Variants in ZNF585A observed in about 807,000 individuals in gnomAD.
The protein encoded by ZNF585A is zinc finger protein 585A.
ZNF585A carries 9 observed loss-of-function variants against 14.9 expected under a neutral mutation model. The observed-to-expected ratio is 0.60, with a 90% CI of 0.36 to 1.05. The LOEUF (loss-of-function observed/expected upper bound fraction) is 1.05. ZNF585A is among the 50% of genes least tolerant of loss of function. ZNF585A has a pLI of 0.01. For synonymous variants in ZNF585A, 276 were observed against 319.9 expected (o/e 0.86, Z 1.46); for missense variants, 726 against 926.4 (o/e 0.78, Z 2.81).
Position 37,151,567 on chromosome 19 carries a change from G to A in ZNF585A, c.*22C>T. 2 of 1,592,322 alleles carry A rather than the reference G, an allele frequency of 1.3e-6. No homozygotes were observed. The highest frequency in any genetic ancestry group is 1.7e-6 in the Non-Finnish European group (2 of 1,168,516). On this transcript the variant is annotated 3_prime_UTR_variant, in exon 5 of 5. Coordinates refer to ENST00000292841, the MANE Select transcript of ZNF585A (RefSeq NM_001288800.2). ...GTACAATCAGACCCAACCCTCAGGGGGGTTTTCTCACACTGTTTCTCTCAA... is the reference window on the plus strand; with the variant it reads ...GTACAATCAGACCCAACCCTCAGGGAGGTTTTCTCACACTGTTTCTCTCAA...
At chr19:37,164,350 C>T (rs1972055629) in intron 2 of ZNF585A, among the ~76,000 whole-genome samples, 1 of 151,786 alleles carries the variant, frequency 6.6e-6, no homozygotes, top group South Asian at 2.1e-4. Flanking sequence ...TTGCAGTGAG[C>T]CGAGATTGCA....
intron 2 of ZNF585A, among the ~76,000 whole-genome samples, chr19:37,168,570 T>A (rs1568500058): frequency 6.6e-6 from 1 of 152,220 alleles, no homozygotes; most frequent in Non-Finnish European, 1.5e-5. Context: ...CAATTATAGC[T>A]TTTGCTTCAA....
chr19:37,158,805 G>A (rs868402398), intron 2 of ZNF585A, among the ~76,000 whole-genome samples: 4 of 152,140 alleles, frequency 2.6e-5, no homozygotes, highest in South Asian at 2.1e-4. Context: ...TGTGACATTA[G>A]CTTACTGGTT....
intron 2 of ZNF585A, among the ~76,000 whole-genome samples, chr19:37,167,447 A>G (rs2145415873): frequency 6.6e-6 from 1 of 152,258 alleles, no homozygotes; most frequent in South Asian, 2.1e-4. Flanking sequence ...TGGTGGGATT[A>G]CAGGCACTGG....
rs1259557075 is a variant in ZNF585A, at chr19:37,150,705, C to G, written c.*884G>C. ...TAATCTGTTACATGAAAGTTACATC[C>G]TTAAGGAAGCCAGATACTAAGCTTC... On this transcript the variant is annotated 3_prime_UTR_variant, in exon 5 of 5. Transcript: ENST00000292841. 1 of 153,174 alleles carries G rather than the reference C, an allele frequency of 6.5e-6. No homozygotes were observed. The highest frequency in any genetic ancestry group is 2.4e-5 in the African/African-American group (1 of 41,176). The allele number at this position is 153,174 out of a possible 1,614,324, so 9.5% of individuals were successfully genotyped here.
At position 37,148,259 on chromosome 19, in the gene ZNF585A, ATAAT is replaced by A; in HGVS notation, c.*3326_*3329del. On this transcript the variant is annotated 3_prime_UTR_variant, in exon 5 of 5. Transcript: ENST00000292841. ...TTGTGGTTTGATTTACATTTTCCTG[ATAAT>A]TAAAGATGTTGAGCATCTTTTCATC... 1 of 152,190 alleles carries A rather than the reference ATAAT, an allele frequency of 6.6e-6. No individual in the cohort carries two copies. Among genetic ancestry groups the A allele is most frequent in the East Asian group, 1.9e-4 (1 of 5,198 alleles). 9.4% of individuals were successfully genotyped at this position (152,190 alleles called of 1,614,324 possible).
intron 2 of ZNF585A, among the ~76,000 whole-genome samples, chr19:37,167,582 CT>C (rs1972112374): frequency 6.9e-6 from 1 of 145,668 alleles, no homozygotes; most frequent in African/African-American, 2.7e-5. Context: ...GAGCCTTTTA[CT>C]TTTTATTTTT....
intron 2 of ZNF585A, among the ~76,000 whole-genome samples, chr19:37,162,086 G>A (rs1428427276): frequency 1.3e-5 from 2 of 152,114 alleles, no homozygotes; most frequent in Non-Finnish European, 2.9e-5. Context: ...AACATGCCTG[G>A]CTAGTTTTTC....
chr19:37,154,891 G>A (rs1166987983), intron 4 of ZNF585A, among the ~76,000 whole-genome samples: 4 of 151,662 alleles, frequency 2.6e-5, no homozygotes, highest in Non-Finnish European at 2.9e-5. Context: ...TTGAAAGAAA[G>A]CAGATCCGTG....
In ZNF585A at chr19:37,148,717, A is replaced by G. The variant is rs1253147449; in HGVS notation, c.*2872T>C. ...ATGTCCACACAAAAAGCCTGCACAG[A>G]TATTTATAACAGCTTTCCTCATAAT... On this transcript the variant is annotated 3_prime_UTR_variant, in exon 5 of 5. Coordinates refer to ENST00000292841, the MANE Select transcript of ZNF585A (RefSeq NM_001288800.2). 7 of 152,218 alleles carry G rather than the reference A, an allele frequency of 4.6e-5. No individual in the cohort carries two copies. Among genetic ancestry groups the G allele is most frequent in the Admixed American group, 3.3e-4 (5 of 15,282 alleles). The allele number at this position is 152,218 out of a possible 1,614,324, so 9.4% of individuals were successfully genotyped here.
intron 4 of ZNF585A, among the ~76,000 whole-genome samples, chr19:37,154,206 A>G (rs940267220): frequency 6.6e-6 from 1 of 152,236 alleles, no homozygotes; most frequent in South Asian, 2.1e-4. Flanking sequence ...CAGCAGTTAG[A>G]GGAAATAAAC....
At chr19:37,158,072 G>C (rs1568495841) in intron 2 of ZNF585A, among the ~76,000 whole-genome samples, 1 of 151,986 alleles carries the variant, frequency 6.6e-6, no homozygotes, top group Admixed American at 6.6e-5. Context: ...ATTTTTAATA[G>C]AGACAGGGTT....
rs760418433 is a variant in ZNF585A at position 37,153,339 on chromosome 19, T to G, written c.560A>C (p.Lys187Thr). Reference sequence around the variant, plus strand: ...AAAGGATTTTCCACATTCATTGCATTTAAAGGGTTTCTCTCTCATATGGGT... The same window carrying G: ...AAAGGATTTTCCACATTCATTGCATGTAAAGGGTTTCTCTCTCATATGGGT... The part of the protein sequence containing the change: ...QKTHMREKPF[K>T]CNECGKSFFQ... The change falls in exon 5 of 5, where the codon AAA becomes ACA. Residue 187 changes from lysine to threonine, a missense_variant. Physicochemically the swap from Lys to Thr is moderately conservative, Grantham distance 78. Around this residue, in one of 2 missense-constraint regions of ZNF585A, gnomAD observed 483 missense variants for 542.8 expected, o/e 0.89. Transcript: ENST00000292841. The G allele has an allele frequency of 7.4e-6, 12 of 1,614,084 alleles. No homozygotes were observed. The African/African-American group carries it at 1.6e-4, about 22-fold the overall frequency.
chr19:37,153,269 T>C lies in ZNF585A; in HGVS notation c.630A>G (p.Gly210=), dbSNP rs1971869434. The change falls in exon 5 of 5, where the codon GGA becomes GGG. Residue 210 remains glycine (G), a synonymous_variant. Coordinates refer to ENST00000292841, the MANE Select transcript of ZNF585A (RefSeq NM_001288800.2). ...SLFRHQRIHT[G]EKLYECSQCG... is the part of the protein sequence containing the mutation. Reference sequence around the variant, plus strand: ...ACTGGCTGCATTCATAGAGTTTCTCTCCGGTATGAATTCTCTGATGCCTGA... The same window carrying C: ...ACTGGCTGCATTCATAGAGTTTCTCCCCGGTATGAATTCTCTGATGCCTGA... The C allele has an allele frequency of 6.2e-7, 1 of 1,614,202 alleles. No homozygotes were observed.
chr19:37,147,478 C>T lies in ZNF585A; in HGVS notation c.*4111G>A, dbSNP rs994302795. The T allele has an allele frequency of 2.0e-5, 3 of 152,138 alleles. No individual in the cohort carries two copies. The highest frequency in any genetic ancestry group is 7.2e-5 in the African/African-American group (3 of 41,438). 9.4% of individuals were successfully genotyped at this position (152,138 alleles called of 1,614,324 possible). A position where few individuals can be genotyped will look rare whatever the true frequency, so the allele number is the denominator to read the frequency against. On this transcript the variant is annotated 3_prime_UTR_variant, in exon 5 of 5. Coordinates refer to ENST00000292841, the MANE Select transcript of ZNF585A (RefSeq NM_001288800.2). ...CTCTTTTATTGTAGTTATATCTTTA[C>T]ACTACAAACATTAAATGCAACTACG...
At position 37,155,855 on chromosome 19, in the gene ZNF585A, C is replaced by T. The variant is rs375661461; in HGVS notation, c.292+10G>A. ...CTCCCATCTACCGGATTCACACTCGCTTCACTCACCTGGGCAGCTCTGACG... is the reference window on the plus strand; with the variant it reads ...CTCCCATCTACCGGATTCACACTCGTTTCACTCACCTGGGCAGCTCTGACG... On this transcript the variant is annotated intron_variant, in intron 4 of 4. Transcript: ENST00000292841. The T allele has an allele frequency of 1.9e-6, 3 of 1,612,078 alleles. No homozygotes were observed. Among genetic ancestry groups the T allele is most frequent in the Non-Finnish European group, 2.5e-6 (3 of 1,180,002 alleles).
chr19:37,165,488 C>A (rs1195794193), intron 2 of ZNF585A: 1 of 193,710 alleles, frequency 5.2e-6, no homozygotes, highest in Non-Finnish European at 9.4e-6. Context: ...ATATATATAC[C>A]ATTTTTATTG....
At chr19:37,163,432 C>G (rs1039063197) in intron 2 of ZNF585A, among the ~76,000 whole-genome samples, 22 of 142,318 alleles carry the variant, frequency 1.5e-4, no homozygotes, top group Non-Finnish European at 1.8e-4. Context: ...ATTAACAGAA[C>G]TCAGTAAAAA....
Position 37,153,072 on chromosome 19 carries a change from C to T in ZNF585A, c.827G>A (p.Gly276Glu). 4 of 1,614,168 alleles carry T rather than the reference C, an allele frequency of 2.5e-6. No individual in the cohort carries two copies. Among genetic ancestry groups the T allele is most frequent in the Non-Finnish European group, 3.4e-6 (4 of 1,180,038 alleles). Residue 276 changes from glycine to glutamate, a missense_variant, in exon 5 of 5, where the codon GGA (glycine) becomes GAA (glutamate). This residue lies in a region of ZNF585A where 483 missense variants were observed against 542.8 expected (regional missense o/e 0.89). Transcript: ENST00000292841. ...ATGGGTCTTCTGGATGAAGGCCTGTCCGCATTCAATACAGATGTAGGATCT... is the reference window on the plus strand; with the variant it reads ...ATGGGTCTTCTGGATGAAGGCCTGTTCGCATTCAATACAGATGTAGGATCT... ...GERSYICIECGQAFIQKTHLI... is the reference protein window; with the variant it reads ...GERSYICIECEQAFIQKTHLI...
Sources: allele counts gnomAD v4.1 joint callset (sites outside exome capture counted in the v4.1 genomes callset), GRCh38; gene constraint gnomAD v4.1.1; regional missense constraint gnomAD v4.1.1; transcripts MANE v1.5; gene names NCBI Gene and HGNC (gene_info 2026-07-23, HGNC 2026-07-21).